Variants in AP4E1 observed in about 807,000 individuals in gnomAD.
AP4E1 encodes adaptor related protein complex 4 subunit epsilon 1, also known as AP-4 complex subunit epsilon-1.
Under a neutral mutation model 128.2 loss-of-function variants are expected in AP4E1, and 56 were observed. That is an observed-to-expected ratio of 0.44 (90% CI 0.35 to 0.55). The LOEUF (loss-of-function observed/expected upper bound fraction) is 0.55, where lower values mean the gene tolerates loss of function less well. Among genes scored for constraint, AP4E1 ranks in the 20% least tolerant of loss-of-function variants. The pLI, the probability that AP4E1 is intolerant of heterozygous loss-of-function variation, is 0.00. For synonymous variants in AP4E1, 484 were observed against 473.1 expected (o/e 1.02, Z -0.30); for missense variants, 1,324 against 1,307.7 (o/e 1.01, Z -0.19).
chr15:50,924,037 A>G (rs777020273), intron 4 of AP4E1, 33 bp downstream of exon 4: 2 of 1,536,686 alleles, frequency 1.3e-6, no homozygotes, highest in East Asian at 2.3e-5. Context: ...ATATGAAGTC[A>G]TAATTCTTGT....
At chr15:50,936,818 C>T (rs780442368) in intron 8 of AP4E1, among the ~76,000 whole-genome samples, 4 of 152,044 alleles carry the variant, frequency 2.6e-5, no homozygotes, top group Non-Finnish European at 5.9e-5. Context: ...CCTGTAATCC[C>T]AGCTACTCGG....
At chr15:50,952,222 G>C (rs916226483) in intron 13 of AP4E1, among the ~76,000 whole-genome samples, 1 of 151,862 alleles carries the variant, frequency 6.6e-6, no homozygotes, top group Non-Finnish European at 1.5e-5. Flanking sequence ...CCCAAGAGGT[G>C]TAAAGACACT....
upstream of AP4E1, among the ~76,000 whole-genome samples, chr15:50,908,021 T>C (rs2614787): frequency 0.82 from 125,415 of 152,214 alleles, 52,437 homozygotes; most frequent in African/African-American, 0.96. Flanking sequence ...GAGTGGGCTC[T>C]AGAAGGATGA....
rs1400823784 is a variant in AP4E1, at chr15:50,982,424, A to C, written c.1967-1598A>C. Among the ~76,000 whole-genome samples, 5 of 152,216 alleles carry C rather than the reference A, an allele frequency of 3.3e-5. No homozygotes were observed. The South Asian group carries it at 1.0e-3, about 31-fold the overall frequency. On this transcript the variant is annotated intron_variant, in intron 15 of 20. Transcript: ENST00000261842. ...CCAAACATGGTTATGAATCAGAATC[A>C]CAAAGAGTTTTTTAAAAATGAGACT...
chr15:50,993,652 G>T, intron 17 of AP4E1, 27 bp downstream of exon 17: 1 of 1,613,274 alleles, frequency 6.2e-7, no homozygotes, highest in Non-Finnish European at 8.5e-7. Context: ...ATTCCTGTAA[G>T]AATCTTTGTC....
At position 50,958,610 on chromosome 15, in the gene AP4E1, C is replaced by G; in HGVS notation, c.1667C>G (p.Ala556Gly). The change falls in exon 14 of 21, where the codon GCT (alanine) becomes GGT (glycine). Residue 556 changes from alanine to glycine, a missense_variant. By Grantham distance (60) the Ala-to-Gly change is moderately conservative. Transcript: ENST00000261842. ...TCAGAAACAAAAGCCTGGTTAATTG[C>G]TGCTGTGACCAAATTGACATCTCAG... ...VSSETKAWLI[A>G]AVTKLTSQAH... 1 of 1,614,120 alleles carries G rather than the reference C, an allele frequency of 6.2e-7. No homozygotes were observed. Among genetic ancestry groups the G allele is most frequent in the Non-Finnish European group, 8.5e-7 (1 of 1,180,016 alleles).
chr15:50,943,848 G>A (rs2064021399), intron 10 of AP4E1, among the ~76,000 whole-genome samples: 1 of 152,156 alleles, frequency 6.6e-6, no homozygotes, highest in Admixed American at 6.6e-5. Context: ...CCCAGATGGA[G>A]TAGGATGGTG....
intron 1 of AP4E1, among the ~76,000 whole-genome samples, chr15:50,910,250 T>C (rs1216601923): frequency 6.6e-6 from 1 of 152,220 alleles, no homozygotes; most frequent in African/African-American, 2.4e-5. Flanking sequence ...CCCAAAGTGC[T>C]GGGATTACAG....
rs2064129862 is a variant in AP4E1 at position 50,950,178 on chromosome 15, A to ATTC, written c.1548+9_1548+10insTTC. The ATTC allele has an allele frequency of 6.6e-7, 1 of 1,524,974 alleles. No individual in the cohort carries two copies. The highest frequency in any genetic ancestry group is 9.1e-7 in the Non-Finnish European group (1 of 1,101,534). 94.5% of individuals were successfully genotyped at this position (1,524,974 alleles called of 1,614,324 possible). A position where few individuals can be genotyped will look rare whatever the true frequency, so the allele number is the denominator to read the frequency against. Reference sequence around the variant, plus strand: ...TTCAAGTTATGAGTTGGGTGAGCAAAGTACCTTAAATCATAAATTTTTATA... The same window carrying ATTC: ...TTCAAGTTATGAGTTGGGTGAGCAAATTCGTACCTTAAATCATAAATTTTTATA... On this transcript the variant is annotated intron_variant, in intron 13 of 20. Transcript: ENST00000261842.
intron 3 of AP4E1, 100 bp downstream of exon 3, chr15:50,915,671 A>G: frequency 1.5e-6 from 2 of 1,345,562 alleles, no homozygotes; most frequent in South Asian, 2.5e-5. Flanking sequence ...TGTTTTTAGA[A>G]TACTGTATTA....
At chr15:50,920,106 A>C (rs888384497) in intron 3 of AP4E1, among the ~76,000 whole-genome samples, 1 of 94,184 alleles carries the variant, frequency 1.1e-5, no homozygotes, top group Non-Finnish European at 2.2e-5. Flanking sequence ...GATAAAATTT[A>C]TGCCTTTTTT....
At position 50,948,031 on chromosome 15, in the gene AP4E1, T is replaced by C. The variant is rs368313949; in HGVS notation, c.1188T>C (p.Leu396=). ...TCTTCTTTAAATAGACTCTGGAACT[T>C]CTTTACAGAATTACTAATGCACAGA... ...DPIIKRETLE[L]LYRITNAQNI... Residue 396 remains leucine (L), a synonymous_variant, in exon 11 of 21, where the codon CTT becomes CTC. Coordinates refer to ENST00000261842, the MANE Select transcript of AP4E1 (RefSeq NM_007347.5). 6.2e-7 allele frequency: 1 copy of C among 1,603,298 alleles called. No individual in the cohort carries two copies. Among genetic ancestry groups the C allele is most frequent in the Non-Finnish European group, 8.5e-7 (1 of 1,170,740 alleles).
intron 10 of AP4E1, chr15:50,945,720 A>G: frequency 2.6e-6 from 2 of 781,328 alleles, no homozygotes; most frequent in South Asian, 1.4e-5. Context: ...GCCTGTGGAA[A>G]GCTAATGCTT....
Position 50,941,567 on chromosome 15 carries a change from A to G in AP4E1, c.1066+3A>G, listed in dbSNP as rs2063989048. 6.2e-7 allele frequency: 1 copy of G among 1,612,796 alleles called. No homozygotes were observed. ...TAAAATAAATCTAAAATATTTAGGT[A>G]AGATGATTGGTTCTTTTGACAGAAA... On this transcript the variant is annotated splice_donor_region_variant and intron_variant, in intron 9 of 20. Transcript: ENST00000261842.
intron 14 of AP4E1, among the ~76,000 whole-genome samples, chr15:50,966,278 G>A (rs1391093642): frequency 6.6e-6 from 1 of 152,024 alleles, no homozygotes; most frequent in Non-Finnish European, 1.5e-5. Context: ...GAAAATAAAG[G>A]TTATTATTTC....
chr15:50,951,412 G>A (rs1567231774), intron 13 of AP4E1, among the ~76,000 whole-genome samples: 1 of 152,204 alleles, frequency 6.6e-6, no homozygotes, highest in Non-Finnish European at 1.5e-5. Context: ...ATCAAAGCCA[G>A]TAGTGGAGAT....
At chr15:50,957,333 G>A (rs1024222806) in intron 13 of AP4E1, among the ~76,000 whole-genome samples, 2 of 152,210 alleles carry the variant, frequency 1.3e-5, no homozygotes, top group African/African-American at 2.4e-5. Flanking sequence ...TTGAAGTTAC[G>A]CTGTCAAGCT....
rs956275839 is a variant in AP4E1 at position 50,909,073 on chromosome 15, G to C, written c.150+145G>C. Reference sequence around the variant, plus strand: ...GGCTGCTGTGTCGGTTCGTCCTTTCGTCTGCCTGGAAGCTTCACTTTCCTG... The same window carrying C: ...GGCTGCTGTGTCGGTTCGTCCTTTCCTCTGCCTGGAAGCTTCACTTTCCTG... On this transcript the variant is annotated intron_variant, in intron 1 of 20. Transcript: ENST00000261842. 8.9e-6 allele frequency: 12 copies of C among 1,354,298 alleles called. No homozygotes were observed. In the African/African-American group the frequency reaches 1.3e-4, roughly 15 times the overall value. The allele number at this position is 1,354,298 out of a possible 1,614,324, so 83.9% of individuals were successfully genotyped here. A position where few individuals can be genotyped will look rare whatever the true frequency, so the allele number is the denominator to read the frequency against.
At chr15:50,926,733 G>C (rs940449078) in intron 5 of AP4E1, among the ~76,000 whole-genome samples, 1 of 151,728 alleles carries the variant, frequency 6.6e-6, no homozygotes, top group Non-Finnish European at 1.5e-5. Context: ...TGAGTAGTTG[G>C]AACTACAGGC....
Sources: allele counts gnomAD v4.1 joint callset (sites outside exome capture counted in the v4.1 genomes callset), GRCh38; gene constraint gnomAD v4.1.1; transcripts MANE v1.5; gene names NCBI Gene and HGNC (gene_info 2026-07-23, HGNC 2026-07-21).